KCTD16: variants seen among roughly 807,000 people sequenced by gnomAD.
KCTD16 encodes BTB/POZ domain-containing protein KCTD16.
In KCTD16, 13 loss-of-function variants were observed where a neutral mutation model predicts 33.2. That is an observed-to-expected ratio of 0.39 (90% CI 0.25 to 0.62). The LOEUF is 0.62. Among genes scored for constraint, KCTD16 ranks in the 20% least tolerant of loss-of-function variants. The pLI is 0.50. For missense variants in KCTD16, 441 were observed against 525.1 expected, an observed-to-expected ratio of 0.84 and a Z score of 1.57; for synonymous variants, 197 against 195.3, an observed-to-expected ratio of 1.01 and a Z score of -0.07.
At chr5:144,273,999 T>C (rs1421158667) in intron 3 of KCTD16, among the ~76,000 whole-genome samples, 1 of 149,922 alleles carries the variant, frequency 6.7e-6, no homozygotes, top group African/African-American at 2.4e-5. Flanking sequence ...ATTTTTATGT[T>C]ATGTGTATTA....
intron 3 of KCTD16, among the ~76,000 whole-genome samples, chr5:144,412,296 A>G (rs1177793570): frequency 6.6e-6 from 1 of 152,230 alleles, no homozygotes; most frequent in Non-Finnish European, 1.5e-5. Flanking sequence ...GGGTAAATGG[A>G]TAAAGAAATG....
Position 144,384,744 on chromosome 5 carries a change from T to C in KCTD16, c.833-88916T>C, listed in dbSNP as rs148061494. On this transcript the variant is annotated intron_variant, in intron 3 of 3. Coordinates refer to ENST00000512467, the MANE Select transcript of KCTD16 (RefSeq NM_020768.4). ...TAGAGACCAAATGCTACAAAACAAATGAACTGTTGTGGTAATATTGGACAA... is the reference window on the plus strand; with the variant it reads ...TAGAGACCAAATGCTACAAAACAAACGAACTGTTGTGGTAATATTGGACAA... Among the ~76,000 whole-genome samples the C allele has an allele frequency of 1.1e-4, 17 of 152,326 alleles. No individual in the cohort carries two copies. In the East Asian group the frequency reaches 3.1e-3, roughly 28 times the overall value.
intron 3 of KCTD16, among the ~76,000 whole-genome samples, chr5:144,468,538 C>A (rs766748826): frequency 1.3e-5 from 2 of 152,160 alleles, no homozygotes; most frequent in African/African-American, 2.4e-5. Context: ...TGAAGACAAA[C>A]TTTTTTCAGA....
chr5:144,318,551 G>C (rs1197553930), intron 3 of KCTD16, among the ~76,000 whole-genome samples: 1 of 152,176 alleles, frequency 6.6e-6, no homozygotes, highest in African/African-American at 2.4e-5. Context: ...GCTACTTGCA[G>C]ATTCATTAAT....
chr5:144,428,493 C>T lies in KCTD16; in HGVS notation c.833-45167C>T, dbSNP rs148731470. ...CCTTGCTTCCTCATCCATCACAAGA[C>T]CTTTAATTCTTGTGTGGTTTTGTCA... On this transcript the variant is annotated intron_variant, in intron 3 of 3. Coordinates refer to ENST00000512467, the MANE Select transcript of KCTD16 (RefSeq NM_020768.4). Among the ~76,000 whole-genome samples, 265 of 152,226 alleles carry T rather than the reference C, an allele frequency of 1.7e-3. 1 individual carries two copies. Among genetic ancestry groups the T allele is most frequent in the African/African-American group, 5.6e-3 (233 of 41,544 alleles).
At position 144,226,526 on chromosome 5, in the gene KCTD16, G is replaced by A. The variant is rs572670477; in HGVS notation, c.832+18980G>A. Among the ~76,000 whole-genome samples the A allele has an allele frequency of 7.9e-5, 12 of 151,628 alleles. No homozygotes were observed. In the South Asian group the frequency reaches 1.3e-3, roughly 16 times the overall value. On this transcript the variant is annotated intron_variant, in intron 3 of 3. Transcript: ENST00000512467. ...CTTATTGTTTCTTCAGTTGTTCACC[G>A]TAAAATTGAACCTGAAGTGATTCTA...
chr5:144,204,214 A>G (rs958206325), intron 2 of KCTD16, among the ~76,000 whole-genome samples: 2 of 152,242 alleles, frequency 1.3e-5, no homozygotes, highest in Non-Finnish European at 2.9e-5. Flanking sequence ...TAAAATGTAT[A>G]TAATTCCTAA....
chr5:144,332,109 A>G (rs1367117022), intron 3 of KCTD16, among the ~76,000 whole-genome samples: 3 of 152,186 alleles, frequency 2.0e-5, no homozygotes, highest in Admixed American at 2.0e-4. Context: ...AAACACCTCT[A>G]AAATGACAAA....
rs1023388181 is a variant in KCTD16 at position 144,186,999 on chromosome 5, G to T, written c.-327+12527G>T. Among the ~76,000 whole-genome samples the T allele has an allele frequency of 5.3e-4, 81 of 152,052 alleles. 1 individual carries two copies. The highest frequency in any genetic ancestry group is 1.8e-3 in the African/African-American group (76 of 41,420). Reference sequence around the variant, plus strand: ...TCTCAGCGCTTACAGTGTCACTGGGGGAGAGAAACATGATTCAAATAATCA... The same window carrying T: ...TCTCAGCGCTTACAGTGTCACTGGGTGAGAGAAACATGATTCAAATAATCA... On this transcript the variant is annotated intron_variant, in intron 2 of 3. Transcript: ENST00000512467.
intron 3 of KCTD16, among the ~76,000 whole-genome samples, chr5:144,453,557 T>C (rs1213803295): frequency 6.6e-6 from 1 of 152,110 alleles, no homozygotes; most frequent in Non-Finnish European, 1.5e-5. Flanking sequence ...TCTTGAGAAA[T>C]CTTAATTACT....
chr5:144,225,659 G>A (rs1266163590), intron 3 of KCTD16, among the ~76,000 whole-genome samples: 2 of 151,790 alleles, frequency 1.3e-5, no homozygotes, highest in Admixed American at 6.6e-5. Context: ...AGACTAATAT[G>A]AGTGAAGTAG....
chr5:144,370,277 A>G (rs1004017986), intron 3 of KCTD16, among the ~76,000 whole-genome samples: 14 of 152,332 alleles, frequency 9.2e-5, no homozygotes, highest in African/African-American at 3.1e-4. Context: ...CCTGACAGAG[A>G]AACTTGCGAT....
chr5:144,224,161 CTA>C (rs1158515238), intron 3 of KCTD16, among the ~76,000 whole-genome samples: 2 of 152,150 alleles, frequency 1.3e-5, no homozygotes, highest in East Asian at 1.9e-4. Context: ...AATTTTGATT[CTA>C]TCTTTTGGAT....
intron 3 of KCTD16, among the ~76,000 whole-genome samples, chr5:144,418,523 C>G (rs4296826): frequency 1.3e-5 from 2 of 152,124 alleles, no homozygotes; most frequent in Non-Finnish European, 2.9e-5. Context: ...GAAAAGTTCT[C>G]CAAGTCACCA....
intron 3 of KCTD16, among the ~76,000 whole-genome samples, chr5:144,393,181 A>G (rs950139842): frequency 6.6e-6 from 1 of 152,186 alleles, no homozygotes; most frequent in African/African-American, 2.4e-5. Context: ...TTGCCCCTAC[A>G]TCTTGATTCA....
intron 3 of KCTD16, among the ~76,000 whole-genome samples, chr5:144,461,099 CAA>C (rs896357865): frequency 6.6e-6 from 1 of 152,064 alleles, no homozygotes; most frequent in African/African-American, 2.4e-5. Context: ...AAATTTCTTA[CAA>C]AAAATGTAAG....
intron 3 of KCTD16, among the ~76,000 whole-genome samples, chr5:144,388,475 T>TC (rs1246051478): frequency 5.0e-4 from 76 of 152,182 alleles, no homozygotes; most frequent in Non-Finnish European, 6.2e-4. Context: ...GAATATTGTC[T>TC]TGAATGTAAC....
intron 2 of KCTD16, among the ~76,000 whole-genome samples, chr5:144,185,469 T>A (rs1752706092): frequency 6.6e-6 from 1 of 152,180 alleles, no homozygotes; most frequent in Non-Finnish European, 1.5e-5. Context: ...CCAGAAAATG[T>A]TCCCAAATCA....
At position 144,480,847 on chromosome 5, in the gene KCTD16, G is replaced by C. The variant is rs79363289; in HGVS notation, c.*6733G>C. 1.3e-5 allele frequency: 2 copies of C among 151,852 alleles called. No individual in the cohort carries two copies. Among genetic ancestry groups the C allele is most frequent in the Non-Finnish European group, 2.9e-5 (2 of 67,914 alleles). The allele number at this position is 151,852 out of a possible 1,614,324, so 9.4% of individuals were successfully genotyped here. ...CTAAATTAAGCATGAGTTTAAATTT[G>C]TCAAGGCATTTTTTTTTCTGTACCA... On this transcript the variant is annotated 3_prime_UTR_variant, in exon 4 of 4. Coordinates refer to ENST00000512467, the MANE Select transcript of KCTD16 (RefSeq NM_020768.4).
Sources: gnomAD v4.1 joint callset for allele counts (sites outside exome capture counted in the v4.1 genomes callset) on GRCh38, gnomAD v4.1.1 for gene constraint, MANE v1.5 for transcripts, NCBI Gene and HGNC (gene_info 2026-07-23, HGNC 2026-07-21) for gene names.